C14orf180: variants seen among roughly 807,000 people sequenced by gnomAD.
The protein encoded by C14orf180 is chromosome 14 open reading frame 180, also known as nutritionally-regulated adipose and cardiac enriched protein homolog.
In C14orf180, 13 loss-of-function variants were observed where a neutral mutation model predicts 13.9. The ratio of observed to expected loss-of-function variants is 0.94; its 90% CI spans 0.61 to 1.49. C14orf180 has a LOEUF of 1.49. Among genes scored for constraint, C14orf180 ranks in the 40% most tolerant of loss-of-function variants. The probability of loss-of-function intolerance (pLI) is 0.00; values close to 1 mark genes in which losing one functional copy is unlikely to be tolerated. For missense variants in C14orf180, 238 were observed against 232.0 expected (o/e 1.03, Z -0.17); for synonymous variants, 113 against 106.3 (o/e 1.06, Z -0.39).
At chr14:104,584,789 GCT>G (rs1258143635) in intron 1 of C14orf180, among the ~76,000 whole-genome samples, 1 of 152,232 alleles carries the variant, frequency 6.6e-6, no homozygotes, top group Non-Finnish European at 1.5e-5. Flanking sequence ...GCAGAAAATT[GCT>G]CTCTTTTGAA....
Position 104,587,856 on chromosome 14 carries a change from A to AC in C14orf180, c.224dup (p.Ala76SerfsTer9). On this transcript the variant is annotated frameshift_variant, in exon 3 of 5. Coordinates refer to ENST00000557649, the MANE Select transcript of C14orf180 (RefSeq NM_001008404.3). LOFTEE classifies it high-confidence loss of function. The stretch of plus-strand genomic sequence containing the variant: ...CCTCGAGGCGCGTGTGGTTCCGAGA[A>AC]CCCCCAGCGGTGACCGTCCACTGTA... The AC allele has an allele frequency of 6.2e-7, 1 of 1,609,502 alleles. No homozygotes were observed. Among genetic ancestry groups the AC allele is most frequent in the Non-Finnish European group, 8.5e-7 (1 of 1,178,454 alleles).
intron 1 of C14orf180, among the ~76,000 whole-genome samples, chr14:104,584,715 C>A (rs1184748673): frequency 6.6e-6 from 1 of 152,168 alleles, no homozygotes; most frequent in African/African-American, 2.4e-5. Context: ...CCCTCCCCGC[C>A]ACCCCCCTGG....
intron 1 of C14orf180, among the ~76,000 whole-genome samples, chr14:104,582,191 A>C (rs994201658): frequency 1.3e-5 from 2 of 152,098 alleles, no homozygotes; most frequent in Non-Finnish European, 2.9e-5. Context: ...GCCTGGGAGG[A>C]GGCGGGAAGC....
intron 1 of C14orf180, among the ~76,000 whole-genome samples, chr14:104,580,695 G>A: frequency 6.6e-6 from 1 of 152,050 alleles, no homozygotes; most frequent in Admixed American, 6.5e-5. Flanking sequence ...AGGAATCCCT[G>A]TCCTGCCCTG....
intron 1 of C14orf180, 46 bp from the exon 2 acceptor site, chr14:104,586,369 T>C (rs972285803): frequency 8.3e-7 from 1 of 1,204,672 alleles, no homozygotes; most frequent in Non-Finnish European, 1.1e-6. Flanking sequence ...TTCCTCTGAG[T>C]GCCACTTGTG....
intron 1 of C14orf180, 107 bp from the exon 2 acceptor site, chr14:104,586,308 G>A (rs987638556): frequency 6.4e-5 from 46 of 723,992 alleles, no homozygotes; most frequent in East Asian, 4.6e-4. Flanking sequence ...TCGCAAGCCC[G>A]GGAAGCCAGC....
At position 104,586,505 on chromosome 14, in the gene C14orf180, G is replaced by A. The variant is rs1566736349; in HGVS notation, c.75G>A (p.Glu25=). The A allele has an allele frequency of 1.3e-6, 2 of 1,547,674 alleles. No individual in the cohort carries two copies. Among genetic ancestry groups the A allele is most frequent in the South Asian group, 2.4e-5 (2 of 83,310 alleles). The change falls in exon 2 of 5, where the codon GAG becomes GAA. Residue 25 remains glutamate, a synonymous_variant. Coordinates refer to ENST00000557649, the MANE Select transcript of C14orf180 (RefSeq NM_001008404.3). Reference sequence around the variant, plus strand: ...GACGTCAGACCAGAAAGAATGAGGAGGCCGCGTGGGGCCCGCGGGTGTGCA... The same window carrying A: ...GACGTCAGACCAGAAAGAATGAGGAAGCCGCGTGGGGCCCGCGGGTGTGCA... ...ETRRQTRKNE[E]AAWGPRVCRA... is the part of the protein sequence containing the mutation.
chr14:104,586,534 CAG>C lies in C14orf180; in HGVS notation c.109_110del (p.Arg37GlyfsTer47). On this transcript the variant is annotated frameshift_variant, in exon 2 of 5. Transcript: ENST00000557649. LOFTEE classifies it high-confidence loss of function. Reference sequence around the variant, plus strand: ...GCGTGGGGCCCGCGGGTGTGCAGGGCAGAGAGGGTAAGGCGGGCCGCTGGGAC... The same window carrying C: ...GCGTGGGGCCCGCGGGTGTGCAGGGCAGAGGGTAAGGCGGGCCGCTGGGAC... 6.5e-7 allele frequency: 1 copy of C among 1,536,120 alleles called. No homozygotes were observed. The highest frequency in any genetic ancestry group is 8.8e-7 in the Non-Finnish European group (1 of 1,140,174).
At position 104,586,521 on chromosome 14, in the gene C14orf180, C is replaced by A. The variant is rs1007951930; in HGVS notation, c.91C>A (p.Arg31=). Residue 31 remains arginine, a synonymous_variant, in exon 2 of 5, where the codon CGG becomes AGG. Coordinates refer to ENST00000557649, the MANE Select transcript of C14orf180 (RefSeq NM_001008404.3). ...RKNEEAAWGP[R]VCRAEREDNR... is the part of the protein sequence containing the mutation. ...GAATGAGGAGGCCGCGTGGGGCCCG[C>A]GGGTGTGCAGGGCAGAGAGGGTAAG... 2.6e-6 allele frequency: 4 copies of A among 1,544,560 alleles called. No homozygotes were observed. The highest frequency in any genetic ancestry group is 2.0e-5 in the Admixed American group (1 of 50,306).
At chr14:104,582,084 A>C (rs35527175) in intron 1 of C14orf180, among the ~76,000 whole-genome samples, 43,009 of 147,116 alleles carry the variant, frequency 0.29, 11,493 homozygotes, top group East Asian at 0.75. Flanking sequence ...CATGGGGGGC[A>C]CTGCCCGCCC....
At chr14:104,587,959 A>G (rs1270090722) in intron 3 of C14orf180, 81 bp downstream of exon 3, 5 of 1,481,434 alleles carry the variant, frequency 3.4e-6, no homozygotes, top group East Asian at 2.4e-5. Flanking sequence ...ACACCCACAC[A>G]GCTCTGGCAG....
chr14:104,588,715 C>A lies in C14orf180; in HGVS notation c.415C>A (p.Leu139Ile), dbSNP rs1350503870. Residue 139 changes from leucine to isoleucine, a missense_variant, in exon 5 of 5, where the codon CTC (leucine) becomes ATC (isoleucine). Transcript: ENST00000557649. Reference protein sequence around the residue: ...ATALEDLRARLLGLVLHLRHV... With the variant: ...ATALEDLRARILGLVLHLRHV... ...GGCACTGGAGGACCTGCGGGCCCGG[C>A]TCCTCGGCCTTGTCCTGCACCTGCG... The A allele has an allele frequency of 1.3e-6, 2 of 1,535,708 alleles. No homozygotes were observed. The highest frequency in any genetic ancestry group is 3.9e-5 in the Admixed American group (2 of 50,972).
intron 1 of C14orf180, among the ~76,000 whole-genome samples, chr14:104,584,044 C>T (rs1886529716): frequency 6.6e-6 from 1 of 152,246 alleles, no homozygotes; most frequent in Non-Finnish European, 1.5e-5. Flanking sequence ...CACACGTGCA[C>T]ACACACACTG....
At chr14:104,581,287 A>G (rs1166682528) in intron 1 of C14orf180, 1 of 152,292 alleles carries the variant, frequency 6.6e-6, no homozygotes, top group Non-Finnish European at 1.5e-5. Context: ...GGAAGAAGGC[A>G]CAACCTGCAT....
Position 104,589,064 on chromosome 14 carries a change from A to T in C14orf180, c.*281A>T. 1 of 596,106 alleles carries T rather than the reference A, an allele frequency of 1.7e-6. No individual in the cohort carries two copies. Among genetic ancestry groups the T allele is most frequent in the South Asian group, 2.6e-5 (1 of 38,218 alleles). 36.9% of individuals were successfully genotyped at this position (596,106 alleles called of 1,614,324 possible). ...AAGAGGATTCGACTGCTAACAGTTG[A>T]GGCTCCCCAGGCTCACCCAAAGACC... is the stretch of plus-strand genomic sequence containing the variant. On this transcript the variant is annotated 3_prime_UTR_variant, in exon 5 of 5. Transcript: ENST00000557649. This position sits in a 1 kb window ranked among gnomAD's most constrained non-coding sequence, Gnocchi z 4.9.
rs1886629443 is a variant in C14orf180 at position 104,586,515 on chromosome 14, G to A, written c.85G>A (p.Gly29Ser). 1 of 1,545,730 alleles carries A rather than the reference G, an allele frequency of 6.5e-7. No individual in the cohort carries two copies. The highest frequency in any genetic ancestry group is 8.7e-7 in the Non-Finnish European group (1 of 1,145,130). ...CAGAAAGAATGAGGAGGCCGCGTGG[G>A]GCCCGCGGGTGTGCAGGGCAGAGAG... is the stretch of plus-strand genomic sequence containing the variant. ...QTRKNEEAAWGPRVCRAERED... is the reference protein window; with the variant it reads ...QTRKNEEAAWSPRVCRAERED... Residue 29 changes from glycine to serine, a missense_variant, in exon 2 of 5, where the codon GGC becomes AGC. Gly to Ser is a moderately conservative substitution (Grantham distance 56, BLOSUM62 0). Transcript: ENST00000557649.
At chr14:104,584,160 A>T (rs1886534464) in intron 1 of C14orf180, among the ~76,000 whole-genome samples, 1 of 152,138 alleles carries the variant, frequency 6.6e-6, no homozygotes, top group Admixed American at 6.5e-5. Flanking sequence ...TCCCTGCGTG[A>T]CTCCGTCGGC....
At chr14:104,583,298 C>A (rs964209416) in intron 1 of C14orf180, among the ~76,000 whole-genome samples, 3 of 152,130 alleles carry the variant, frequency 2.0e-5, no homozygotes, top group African/African-American at 7.2e-5. Context: ...CCAGGGCTCC[C>A]GGAGGGGAGG....
intron 1 of C14orf180, among the ~76,000 whole-genome samples, chr14:104,584,586 C>T (rs368121444): frequency 3.3e-5 from 5 of 152,142 alleles, no homozygotes; most frequent in East Asian, 1.9e-4. Context: ...CTGGGGATCA[C>T]GCAGAGCCCA....
Sources: allele counts gnomAD v4.1 joint callset (sites outside exome capture counted in the v4.1 genomes callset), GRCh38; gene constraint gnomAD v4.1.1; non-coding constraint Gnocchi (gnomAD v3.1); transcripts MANE v1.5; gene names NCBI Gene and HGNC (gene_info 2026-07-23, HGNC 2026-07-21).